Variants in PRICKLE2 observed in about 807,000 individuals in gnomAD.
PRICKLE2 encodes the protein prickle planar cell polarity protein 2.
Under a neutral mutation model 81.4 loss-of-function variants are expected in PRICKLE2, and 21 were observed. The ratio of observed to expected loss-of-function variants is 0.26; its 90% CI spans 0.18 to 0.37. PRICKLE2 has a LOEUF of 0.37. Among genes scored for constraint, PRICKLE2 ranks in the 10% least tolerant of loss-of-function variants. The pLI is 1.00. For synonymous variants in PRICKLE2, 456 were observed against 421.5 expected (o/e 1.08, Z -1.00); for missense variants, 940 against 1,109.0 (o/e 0.85, Z 2.16).
At chr3:64,260,489 G>A (rs1338857222) in intron 2 of PRICKLE2, among the ~76,000 whole-genome samples, 1 of 152,222 alleles carries the variant, frequency 6.6e-6, no homozygotes, top group Non-Finnish European at 1.5e-5. Context: ...CCTAAGCCCT[G>A]AAGGGGCCCC....
intron 7 of PRICKLE2, among the ~76,000 whole-genome samples, chr3:64,134,289 T>TA (rs1206864323): frequency 4.6e-5 from 7 of 152,054 alleles, no homozygotes; most frequent in South Asian, 2.1e-4. Context: ...GAGCAAGAAG[T>TA]AAAAAAAGCT....
upstream of PRICKLE2, among the ~76,000 whole-genome samples, chr3:64,230,313 T>C (rs1388327143): frequency 2.0e-5 from 3 of 152,210 alleles, no homozygotes; most frequent in Non-Finnish European, 4.4e-5. Context: ...ATTAAACACA[T>C]AATGCCTTTA....
chr3:64,097,096 A>G lies in PRICKLE2; in HGVS notation c.*1955T>C, dbSNP rs2076582230. On this transcript the variant is annotated 3_prime_UTR_variant, in exon 8 of 8. Coordinates refer to ENST00000638394, the MANE Select transcript of PRICKLE2 (RefSeq NM_198859.4). ...AATTCTCCGGAGGCTCGGATAATTA[A>G]TGAAGCATTTAGATATGAAGATAGC... 6.6e-6 allele frequency: 1 copy of G among 152,666 alleles called. No individual in the cohort carries two copies. The highest frequency in any genetic ancestry group is 6.5e-5 in the Admixed American group (1 of 15,288). The allele number at this position is 152,666 out of a possible 1,614,324, so 9.5% of individuals were successfully genotyped here. A position where few individuals can be genotyped will look rare whatever the true frequency, so the allele number is the denominator to read the frequency against.
chr3:64,218,149 C>T (rs1029087966), intron 1 of PRICKLE2, among the ~76,000 whole-genome samples: 2 of 152,120 alleles, frequency 1.3e-5, no homozygotes, highest in South Asian at 2.1e-4. Flanking sequence ...ACCAGAACCC[C>T]TCATTCCCCA....
At chr3:64,139,685 C>A (rs529497154) in intron 7 of PRICKLE2, among the ~76,000 whole-genome samples, 1 of 152,288 alleles carries the variant, frequency 6.6e-6, no homozygotes, top group South Asian at 2.1e-4. Context: ...AGGCCTACAC[C>A]ATTAATATAG....
At position 64,239,952 on chromosome 3, in the gene PRICKLE2, C is replaced by CAAAAA. The variant is rs57932723; in HGVS notation, c.129-40990_129-40986dup. ...CAACATGACAAAACCCCATCGCTAC[C>CAAAAA]AAAAAAAAAAAAAAAAAAAAAAAAA... On this transcript the variant is annotated intron_variant, in intron 2 of 8. Transcript: ENST00000295902. 1.7e-3 allele frequency among the ~76,000 whole-genome samples: 56 copies of CAAAAA among 32,232 alleles called. 1 individual carries two copies. The highest frequency in any genetic ancestry group is 4.4e-3 in the African/African-American group (38 of 8,686). The allele number at this position is 32,232 out of a possible 152,430, so 21.1% of individuals were successfully genotyped here.
intron 2 of PRICKLE2, among the ~76,000 whole-genome samples, chr3:64,262,992 T>C (rs2079639648): frequency 6.6e-6 from 1 of 152,104 alleles, no homozygotes; most frequent in Non-Finnish European, 1.5e-5. Context: ...GGTTCCAGGG[T>C]CACATTAGCA....
intron 7 of PRICKLE2, among the ~76,000 whole-genome samples, chr3:64,107,850 G>A (rs2076780512): frequency 6.6e-6 from 1 of 152,152 alleles, no homozygotes; most frequent in South Asian, 2.1e-4. Flanking sequence ...ACATTTCTGT[G>A]CAGTAAAGGA....
intron 7 of PRICKLE2, among the ~76,000 whole-genome samples, chr3:64,128,858 G>GAAAC (rs139338970): frequency 3.3e-5 from 5 of 150,130 alleles, no homozygotes; most frequent in Admixed American, 6.6e-5. Context: ...CTCCACCAAA[G>GAAAC]AAACAAACAA....
chr3:64,142,313 CTTTT>C (rs397936636), intron 7 of PRICKLE2, among the ~76,000 whole-genome samples: 1 of 132,766 alleles, frequency 7.5e-6, no homozygotes, highest in Admixed American at 7.6e-5. Flanking sequence ...TTCTTTCTTT[CTTTT>C]TTTTTTTTTT....
In PRICKLE2 at chr3:64,153,237, G is replaced by A. The variant is rs1575596028; in HGVS notation, c.732C>T (p.Cys244=). The change falls in exon 6 of 8, where the codon TGC becomes TGT. Residue 244 remains cysteine, a synonymous_variant. Transcript: ENST00000638394. ...CTGCATACAAGGACTCGAAGCAGTG[G>A]CAACAGTAGGGTCTTCCCTCCTTCA... ...YIMKEGRPYC[C]HCFESLYAEY... is the part of the protein sequence containing the mutation. 2 of 1,614,080 alleles carry A rather than the reference G, an allele frequency of 1.2e-6. No homozygotes were observed. The highest frequency in any genetic ancestry group is 2.2e-5 in the East Asian group (1 of 44,886).
chr3:64,261,883 G>C (rs78360805), intron 2 of PRICKLE2, among the ~76,000 whole-genome samples: 3,788 of 152,224 alleles, frequency 0.025, 164 homozygotes, highest in African/African-American at 0.086. Context: ...GTTAAACAGG[G>C]TCATGTTATG....
intron 2 of PRICKLE2, among the ~76,000 whole-genome samples, chr3:64,239,508 T>G (rs1321242068): frequency 6.6e-6 from 1 of 152,154 alleles, no homozygotes; most frequent in East Asian, 1.9e-4. Context: ...AGCCACCAGG[T>G]GCTATCCACA....
intron 2 of PRICKLE2, among the ~76,000 whole-genome samples, chr3:64,266,244 G>A (rs2079706761): frequency 6.6e-6 from 1 of 151,246 alleles, no homozygotes; most frequent in Non-Finnish European, 1.5e-5. Flanking sequence ...CTCTTAAAAC[G>A]AATCTGCCTT....
intron 1 of PRICKLE2, among the ~76,000 whole-genome samples, chr3:64,204,781 C>A (rs999361430): frequency 3.3e-5 from 5 of 152,136 alleles, no homozygotes; most frequent in African/African-American, 1.2e-4. Context: ...GAATTTTCAA[C>A]CTTTGAGTGA....
At chr3:64,134,619 C>G (rs1385734020) in intron 7 of PRICKLE2, among the ~76,000 whole-genome samples, 1 of 148,488 alleles carries the variant, frequency 6.7e-6, no homozygotes, top group African/African-American at 2.4e-5. Flanking sequence ...TGCCTCCAAA[C>G]TTCGAAGTGT....
chr3:64,110,572 C>T (rs1422850982), intron 7 of PRICKLE2, among the ~76,000 whole-genome samples: 1 of 152,096 alleles, frequency 6.6e-6, no homozygotes. Flanking sequence ...AAAGACTGGA[C>T]CTACTTTGAG....
intron 2 of PRICKLE2, among the ~76,000 whole-genome samples, chr3:64,186,961 G>T (rs1440938214): frequency 2.6e-5 from 4 of 152,228 alleles, no homozygotes; most frequent in African/African-American, 7.2e-5. Context: ...AAGAGGCCAA[G>T]TCCCAAACTT....
At chr3:64,197,071 G>C (rs1241928381) in intron 2 of PRICKLE2, among the ~76,000 whole-genome samples, 2 of 152,150 alleles carry the variant, frequency 1.3e-5, no homozygotes, top group South Asian at 2.1e-4. Flanking sequence ...GCTAATCAAT[G>C]AGTTTATATT....
Sources: gnomAD v4.1 joint callset for allele counts (sites outside exome capture counted in the v4.1 genomes callset) on GRCh38, gnomAD v4.1.1 for gene constraint, MANE v1.5 for transcripts, NCBI Gene and HGNC (gene_info 2026-07-23, HGNC 2026-07-21) for gene names.